Variants in HDAC7 observed in about 807,000 individuals in gnomAD.
The protein encoded by HDAC7 is histone deacetylase 7.
In HDAC7, 26 loss-of-function variants were observed where a neutral mutation model predicts 115.5. The observed-to-expected ratio is 0.23, with a 90% CI of 0.16 to 0.31. The LOEUF is 0.31. Ranked by LOEUF, HDAC7 falls within the 10% of genes least tolerant of loss-of-function variation. The pLI is 1.00. For synonymous variants in HDAC7, 564 were observed against 550.9 expected, an observed-to-expected ratio of 1.02 and a Z score of -0.33; for missense variants, 1,068 against 1,329.0, an observed-to-expected ratio of 0.80 and a Z score of 3.05.
chr12:47,792,325 C>T (rs1943576207), intron 13 of HDAC7: 1 of 420,842 alleles, frequency 2.4e-6, no homozygotes, highest in Non-Finnish European at 4.3e-6. Flanking sequence ...CTCGAGGGCC[C>T]AGCACCAGGC....
At chr12:47,792,099 C>T (rs1943563837) in intron 13 of HDAC7, 95 bp from the exon 14 acceptor site, 1 of 1,418,336 alleles carries the variant, frequency 7.1e-7, no homozygotes, top group Admixed American at 2.4e-5. Flanking sequence ...CAGCAGGCAC[C>T]CACATGGAGC....
At chr12:47,790,119 G>A (rs1943400669) in intron 16 of HDAC7, 199 bp from the exon 17 acceptor site, 3 of 588,604 alleles carry the variant, frequency 5.1e-6, no homozygotes, top group Admixed American at 2.9e-5. Context: ...CCCAGCTTAA[G>A]TCCCAGCACC....
rs930765333 is a variant in HDAC7 at position 47,791,950 on chromosome 12, C to T, written c.1733G>A (p.Ser578Asn). Residue 578 changes from serine to asparagine, a missense_variant, in exon 14 of 26, where the codon AGC becomes AAC. This residue lies in a region of HDAC7 where 618 missense variants were observed against 701.5 expected (regional missense o/e 0.88). Transcript: ENST00000080059. ...GCGGCCGGCGTGCTCCGGGTGCCTG[C>T]TGTTGTCACCGCAGGAGCACTGGTG... ...LKHQCSCGDN[S>N]RHPEHAGRIQ... is the part of the protein sequence containing the mutation. 1 of 1,611,424 alleles carries T rather than the reference C, an allele frequency of 6.2e-7. No individual in the cohort carries two copies. The highest frequency in any genetic ancestry group is 8.5e-7 in the Non-Finnish European group (1 of 1,179,396).
Position 47,786,718 on chromosome 12 carries a change from G to T in HDAC7, c.2454-15C>A. 6.2e-7 allele frequency: 1 copy of T among 1,601,638 alleles called. No homozygotes were observed. ...TCACGACTATCCTGTGAGGTCACAA[G>T]AAGTGGCGATCATCGTACTGTGCAG... On this transcript the variant is annotated splice_polypyrimidine_tract_variant and intron_variant, in intron 21 of 25. Transcript: ENST00000080059.
In HDAC7 at chr12:47,783,735, A is replaced by G; in HGVS notation, c.*106T>C. ...GGCAGGCTGTTCTCTGGTTCCAACT[A>G]CTTGCCCACAGGATCTCTAAAGACC... On this transcript the variant is annotated 3_prime_UTR_variant, in exon 26 of 26. Transcript: ENST00000080059. The G allele has an allele frequency of 8.8e-7, 1 of 1,130,010 alleles. No homozygotes were observed. The highest frequency in any genetic ancestry group is 1.3e-5 in the South Asian group (1 of 76,058). The allele number at this position is 1,130,010 out of a possible 1,614,324, so 70.0% of individuals were successfully genotyped here.
chr12:47,816,275 T>C (rs1944848060), intron 1 of HDAC7, among the ~76,000 whole-genome samples: 1 of 152,152 alleles, frequency 6.6e-6, no homozygotes. Flanking sequence ...CCAAATGAGA[T>C]GGTGTTTTAC....
In HDAC7 at chr12:47,798,558, T is replaced by A; in HGVS notation, c.349+4A>T. 6.2e-7 allele frequency: 1 copy of A among 1,613,466 alleles called. No homozygotes were observed. The highest frequency in any genetic ancestry group is 8.5e-7 in the Non-Finnish European group (1 of 1,179,734). On this transcript the variant is annotated splice_donor_region_variant and intron_variant, in intron 4 of 25. Transcript: ENST00000080059. This position sits in a 1 kb window ranked among gnomAD's most constrained non-coding sequence, Gnocchi z 4.3. The stretch of plus-strand genomic sequence containing the variant: ...GGGCTGGGCTGGGGTGGCCACCTCC[T>A]TACTTCGCTTGCTCTTGTCCTTGTG...
In HDAC7 at chr12:47,819,770, CGCCGGGGCTGTGCATCCAGGG is replaced by C; in HGVS notation, c.-6_15del. On this transcript the variant is annotated start_lost and 5_prime_UTR_variant, in exon 1 of 26. Transcript: ENST00000080059. Reference sequence around the variant, plus strand: ...GGGGCGGCCGCCCAGTACTCACCAGCGCCGGGGCTGTGCATCCAGGGGCCGGGGCCCTCAGAGCGGGGGGCT... The same window carrying C: ...GGGGCGGCCGCCCAGTACTCACCAGCGCCGGGGCCCTCAGAGCGGGGGGCT... The C allele has an allele frequency of 1.2e-6, 1 of 840,804 alleles. No individual in the cohort carries two copies. Among genetic ancestry groups the C allele is most frequent in the Non-Finnish European group, 1.5e-6 (1 of 687,496 alleles). 52.1% of individuals were successfully genotyped at this position (840,804 alleles called of 1,614,324 possible). A position where few individuals can be genotyped will look rare whatever the true frequency, so the allele number is the denominator to read the frequency against.
chr12:47,796,054 A>G (rs1010297611), intron 8 of HDAC7, 38 bp from the exon 9 acceptor site: 28 of 1,540,852 alleles, frequency 1.8e-5, no homozygotes, highest in Non-Finnish European at 2.4e-5. Flanking sequence ...CCGGTCCCAG[A>G]CCTCTACCCC....
Position 47,795,316 on chromosome 12 carries a change from A to T in HDAC7, c.1152T>A (p.Ser384=), listed in dbSNP as rs753434292. Residue 384 remains serine, a synonymous_variant, in exon 11 of 26, where the codon TCT becomes TCA. Coordinates refer to ENST00000080059, the MANE Select transcript of HDAC7 (RefSeq NM_015401.5). This position sits in a 1 kb window ranked among gnomAD's most constrained non-coding sequence, Gnocchi z 4.3. ...TCAGTGGCCAGTGGAGGCCTGACCC[A>T]GAGAGCCGCTCGGTGGTCATTAAGG... ...AQSLMTTERL[S]GSGLHWPLSR... 2 of 1,612,306 alleles carry T rather than the reference A, an allele frequency of 1.2e-6. No individual in the cohort carries two copies. The highest frequency in any genetic ancestry group is 1.7e-6 in the Non-Finnish European group (2 of 1,179,564).
chr12:47,796,900 T>A (rs1943880259), intron 7 of HDAC7, 117 bp downstream of exon 7: 14 of 1,196,388 alleles, frequency 1.2e-5, no homozygotes, highest in African/African-American at 1.6e-5. Flanking sequence ...GACACCCCCA[T>A]GCAACCACGC....
At chr12:47,809,764 T>C (rs1428852091) in intron 1 of HDAC7, among the ~76,000 whole-genome samples, 1 of 151,450 alleles carries the variant, frequency 6.6e-6, no homozygotes, top group African/African-American at 2.4e-5. Flanking sequence ...AGAGACGGGG[T>C]TTCACCCTGT....
At position 47,798,773 on chromosome 12, in the gene HDAC7, C is replaced by T. The variant is rs374558288; in HGVS notation, c.258+12G>A. On this transcript the variant is annotated intron_variant, in intron 3 of 25. Coordinates refer to ENST00000080059, the MANE Select transcript of HDAC7 (RefSeq NM_015401.5). This position sits in a 1 kb window ranked among gnomAD's most constrained non-coding sequence, Gnocchi z 4.3. Reference sequence around the variant, plus strand: ...TCAAGGTGGCCCCACATGCAGGGAGCTCCATCTTTACCCTCATGGGCTCCA... The same window carrying T: ...TCAAGGTGGCCCCACATGCAGGGAGTTCCATCTTTACCCTCATGGGCTCCA... 4.1e-5 allele frequency: 64 copies of T among 1,555,138 alleles called. 1 individual carries two copies. The highest frequency in any genetic ancestry group is 5.2e-6 in the Non-Finnish European group (6 of 1,148,774).
rs2137015594 is a variant in HDAC7, at chr12:47,803,269, C to T, written c.20-995G>A. Among the ~76,000 whole-genome samples the T allele has an allele frequency of 1.3e-5, 2 of 152,306 alleles. No individual in the cohort carries two copies. The highest frequency in any genetic ancestry group is 1.9e-4 in the East Asian group (1 of 5,174). On this transcript the variant is annotated intron_variant, in intron 1 of 25. Transcript: ENST00000080059. The surrounding 1 kb of genome is among the most constrained non-coding windows in gnomAD (Gnocchi z 4.0). The stretch of plus-strand genomic sequence containing the variant: ...CTGCCTGGACGGGGTACTGGGTGGA[C>T]ACAGAAGCGCTCTGCTGGCCAGACT...
chr12:47,806,992 T>G (rs1200287945), intron 1 of HDAC7, among the ~76,000 whole-genome samples: 1 of 151,050 alleles, frequency 6.6e-6, no homozygotes, highest in Non-Finnish European at 1.5e-5. Flanking sequence ...CAGGCTGGAG[T>G]GCAGTGGCAC....
rs964924748 is a variant in HDAC7, at chr12:47,792,123, A to T, written c.1679-119T>A. ...CCCACATGGAGCCGGGCGGGTACAC[A>T]CCCCTCACACCCACACAGGCCTGCA... On this transcript the variant is annotated intron_variant, in intron 13 of 25. Coordinates refer to ENST00000080059, the MANE Select transcript of HDAC7 (RefSeq NM_015401.5). 1.1e-5 allele frequency: 12 copies of T among 1,130,030 alleles called. No individual in the cohort carries two copies. The African/African-American group carries it at 1.9e-4, about 18-fold the overall frequency. The allele number at this position is 1,130,030 out of a possible 1,614,324, so 70.0% of individuals were successfully genotyped here. A position where few individuals can be genotyped will look rare whatever the true frequency, so the allele number is the denominator to read the frequency against.
chr12:47,807,661 C>T (rs1297278030), intron 1 of HDAC7, among the ~76,000 whole-genome samples: 1 of 152,126 alleles, frequency 6.6e-6, no homozygotes, highest in African/African-American at 2.4e-5. Context: ...CACACAGCCC[C>T]ACAGAGACCC....
At chr12:47,820,593 T>G (rs1944992425), upstream of HDAC7, 1 of 152,152 alleles carries the variant, frequency 6.6e-6, no homozygotes. This position sits in a 1 kb window ranked among gnomAD's most constrained non-coding sequence, Gnocchi z 4.3. Flanking sequence ...AGCCTGTTCC[T>G]ATTAAAAGAA....
In HDAC7 at chr12:47,798,662, G is replaced by A. The variant is rs750298976; in HGVS notation, c.259-10C>T. 4 of 1,610,642 alleles carry A rather than the reference G, an allele frequency of 2.5e-6. No homozygotes were observed. Among genetic ancestry groups the A allele is most frequent in the Non-Finnish European group, 3.4e-6 (4 of 1,178,312 alleles). On this transcript the variant is annotated splice_polypyrimidine_tract_variant and intron_variant, in intron 3 of 25. Transcript: ENST00000080059. The surrounding 1 kb of genome is among the most constrained non-coding windows in gnomAD (Gnocchi z 4.3). The stretch of plus-strand genomic sequence containing the variant: ...GCGTGTCCATGGAGAGCTGTGGGCA[G>A]GGCCGGCAGCCCAGAAAGGGACAAG...
Sources: gnomAD v4.1 joint callset for allele counts (sites outside exome capture counted in the v4.1 genomes callset) on GRCh38, gnomAD v4.1.1 for gene constraint, gnomAD v4.1.1 regional missense constraint, Gnocchi (gnomAD v3.1) non-coding constraint, MANE v1.5 for transcripts, NCBI Gene and HGNC (gene_info 2026-07-23, HGNC 2026-07-21) for gene names.